DMD: variants seen among roughly 807,000 people sequenced by gnomAD.
DMD encodes dystrophin, also known as mutant dystrophin.
In DMD, 63 loss-of-function variants were observed where a neutral mutation model predicts 330.1. That is an observed-to-expected ratio of 0.19 (90% CI 0.16 to 0.24). The LOEUF (loss-of-function observed/expected upper bound fraction) is 0.24. Ranked by LOEUF, DMD falls within the 10% of genes least tolerant of loss-of-function variation. The pLI is 1.00. For synonymous variants in DMD, 1,223 were observed against 959.8 expected (o/e 1.27, Z -5.07); for missense variants, 3,344 against 2,684.1 (o/e 1.25, Z -5.43).
At chrX:33,280,895 ATAGTTTTGGC>A (rs1478966650) in intron 1 of DMD, among the ~76,000 whole-genome samples, 1 of 111,519 alleles carries the variant, frequency 9.0e-6, no homozygotes, top group East Asian at 2.8e-4. Flanking sequence ...TCCTTATTCA[ATAGTTTTGGC>A]TAGTATAGGT....
chrX:32,987,585 C>T (rs906393794), intron 2 of DMD, among the ~76,000 whole-genome samples: 3 of 111,189 alleles, frequency 2.7e-5, no homozygotes, highest in African/African-American at 6.5e-5. Flanking sequence ...AACAATAGTG[C>T]CTCTGTCATT....
At chrX:32,994,347 A>AAAC (rs1557193990) in intron 2 of DMD, among the ~76,000 whole-genome samples, 1 of 109,959 alleles carries the variant, frequency 9.1e-6, no homozygotes, top group African/African-American at 3.3e-5. Context: ...AAAAAAAAAA[A>AAAC]AATAGATTGT....
intron 41 of DMD, among the ~76,000 whole-genome samples, chrX:32,315,926 C>T (rs750780210): frequency 5.4e-5 from 6 of 111,532 alleles, no homozygotes; most frequent in Non-Finnish European, 1.1e-4. Flanking sequence ...ATTTTAGATA[C>T]CTAAGTGACA....
At chrX:31,946,638 G>C (rs1005002975) in intron 45 of DMD, among the ~76,000 whole-genome samples, 1 of 111,415 alleles carries the variant, frequency 9.0e-6, no homozygotes, top group Non-Finnish European at 1.9e-5. Flanking sequence ...GTATCTTCAA[G>C]GATTTCTTTT....
intron 2 of DMD, among the ~76,000 whole-genome samples, chrX:32,922,270 T>G (rs1247861873): frequency 9.0e-6 from 1 of 111,044 alleles, no homozygotes; most frequent in East Asian, 2.8e-4. Flanking sequence ...ACTCTCTAAG[T>G]AATAAAAACA....
intron 7 of DMD, among the ~76,000 whole-genome samples, chrX:32,807,845 A>G (rs1316006907): frequency 1.8e-5 from 2 of 111,860 alleles, no homozygotes; most frequent in Non-Finnish European, 3.8e-5. Flanking sequence ...AAAAATATCT[A>G]TTTTTAAATC....
intron 42 of DMD, among the ~76,000 whole-genome samples, chrX:32,292,554 G>A (rs937743827): frequency 4.6e-5 from 5 of 109,504 alleles, no homozygotes; most frequent in African/African-American, 1.3e-4. Flanking sequence ...TGATCCACCC[G>A]CCTCAGCCTC....
intron 60 of DMD, among the ~76,000 whole-genome samples, chrX:31,414,101 C>T (rs1009836125): frequency 9.0e-6 from 1 of 111,495 alleles, no homozygotes; most frequent in South Asian, 3.8e-4. Flanking sequence ...GCAACCTTAG[C>T]CCCCTGGGTT....
intron 1 of DMD, among the ~76,000 whole-genome samples, chrX:33,079,771 A>G (rs1331392607): frequency 1.8e-5 from 2 of 111,761 alleles, no homozygotes; most frequent in Non-Finnish European, 3.8e-5. Context: ...ACCATAAGTC[A>G]TTCATTTGAC....
chrX:32,503,595 G>T (rs780300715), intron 18 of DMD, among the ~76,000 whole-genome samples: 3 of 110,908 alleles, frequency 2.7e-5, no homozygotes, highest in Admixed American at 9.5e-5. Context: ...TCACTCTGTC[G>T]CCCAGGCTGG....
intron 2 of DMD, among the ~76,000 whole-genome samples, chrX:32,933,396 A>G (rs1252202338): frequency 1.8e-5 from 2 of 111,962 alleles, no homozygotes; most frequent in Non-Finnish European, 3.8e-5. Context: ...TATTCTGGGC[A>G]TATTAAACTG....
intron 6 of DMD, among the ~76,000 whole-genome samples, chrX:32,815,892 T>A (rs1864335533): frequency 9.0e-6 from 1 of 111,172 alleles, no homozygotes; most frequent in Admixed American, 9.7e-5. Flanking sequence ...TATAATTAAT[T>A]GTGTTCTGCT....
intron 1 of DMD, among the ~76,000 whole-genome samples, chrX:33,319,479 A>T (rs2053983631): frequency 9.0e-6 from 1 of 111,355 alleles, no homozygotes; most frequent in African/African-American, 3.3e-5. Context: ...ATGAAAATGC[A>T]CTAGAGAGAC....
chrX:32,079,365 C>T (rs775162375), intron 44 of DMD, among the ~76,000 whole-genome samples: 43 of 111,249 alleles, frequency 3.9e-4, no homozygotes, highest in African/African-American at 1.0e-3. Context: ...GAGGCTGAGG[C>T]GGGTGGATCG....
intron 2 of DMD, among the ~76,000 whole-genome samples, chrX:32,889,804 C>T (rs895996930): frequency 3.6e-5 from 4 of 111,099 alleles, no homozygotes; most frequent in African/African-American, 1.3e-4. Context: ...TTTTCAGACT[C>T]AGCCCACCTG....
intron 44 of DMD, among the ~76,000 whole-genome samples, chrX:32,126,075 T>G (rs2096660172): frequency 8.9e-6 from 1 of 112,144 alleles, no homozygotes; most frequent in Admixed American, 9.5e-5. Flanking sequence ...GGTTCACACT[T>G]ACGGGTAGAG....
intron 41 of DMD, among the ~76,000 whole-genome samples, chrX:32,317,695 T>C (rs2097587857): frequency 9.0e-6 from 1 of 111,474 alleles, no homozygotes; most frequent in Non-Finnish European, 1.9e-5. Context: ...AAAAATGTGC[T>C]ATATGACATA....
chrX:31,901,632 A>G (rs2094423762), intron 47 of DMD, among the ~76,000 whole-genome samples: 1 of 111,691 alleles, frequency 9.0e-6, no homozygotes, highest in Admixed American at 9.5e-5. Flanking sequence ...TGTAATTTCT[A>G]TTCTTTATTT....
intron 16 of DMD, among the ~76,000 whole-genome samples, chrX:32,555,762 G>T (rs1460316864): frequency 9.0e-6 from 1 of 111,709 alleles, no homozygotes; most frequent in Non-Finnish European, 1.9e-5. Flanking sequence ...TGCTGGGATA[G>T]TCCTATGCAG....
Sources: allele counts gnomAD v4.1 joint callset (sites outside exome capture counted in the v4.1 genomes callset), GRCh38; gene constraint gnomAD v4.1.1; transcripts MANE v1.5; gene names NCBI Gene and HGNC (gene_info 2026-07-23, HGNC 2026-07-21).